Variants in RAG1 observed in about 807,000 individuals in gnomAD.
The protein encoded by RAG1 is V(D)J recombination-activating protein 1.
A neutral mutation model predicts 62.7 loss-of-function variants in RAG1; 35 were observed. The ratio of observed to expected loss-of-function variants is 0.56; its 90% confidence interval spans 0.43 to 0.74. The LOEUF is 0.74. RAG1 is among the 30% of genes least tolerant of loss of function. The pLI, the probability that RAG1 is intolerant of heterozygous loss-of-function variation, is 0.00. For synonymous variants in RAG1, 461 were observed against 470.3 expected (o/e 0.98, Z 0.26); for missense variants, 1,169 against 1,278.6 (o/e 0.91, Z 1.31).
chr11:36,527,049 T>A (rs1860174043), intron 2 of RAG1, among the ~76,000 whole-genome samples: 2 of 152,196 alleles, frequency 1.3e-5, no homozygotes, highest in South Asian at 4.1e-4. Flanking sequence ...TCCACTCCAA[T>A]GATAGTTTCT....
intron 3 of RAG1, among the ~76,000 whole-genome samples, chr11:36,561,011 T>C (rs1850576760): frequency 6.6e-6 from 1 of 152,236 alleles, no homozygotes; most frequent in Non-Finnish European, 1.5e-5. Flanking sequence ...GCAGCCATCT[T>C]GTTGACAACA....
rs192117598 is a variant in RAG1 at position 36,521,675 on chromosome 11, C to T, written n.428+1446C>T. On this transcript the variant is annotated intron_variant and non_coding_transcript_variant, in intron 2 of 2. Coordinates refer to the RAG1 transcript ENST00000529126. Reference sequence around the variant, plus strand: ...ACTAGATAACAGGGAGAGGTTGGAACAGCTTGGAGGGCTCAGAAGAAGACA... The same window carrying T: ...ACTAGATAACAGGGAGAGGTTGGAATAGCTTGGAGGGCTCAGAAGAAGACA... 2.5e-3 allele frequency among the ~76,000 whole-genome samples: 374 copies of T among 152,252 alleles called. 1 individual carries two copies. The highest frequency in any genetic ancestry group is 8.3e-3 in the African/African-American group (346 of 41,550).
chr11:36,527,200 G>A (rs1346773179), intron 2 of RAG1, among the ~76,000 whole-genome samples: 1 of 152,036 alleles, frequency 6.6e-6, no homozygotes, highest in Non-Finnish European at 1.5e-5. Flanking sequence ...TTCCTTCTAG[G>A]GTTTTTAACG....
At chr11:36,524,952 T>C (rs1211436753) in intron 2 of RAG1, among the ~76,000 whole-genome samples, 1 of 152,188 alleles carries the variant, frequency 6.6e-6, no homozygotes, top group East Asian at 1.9e-4. Context: ...GTGATTCATT[T>C]TGAGTTTTTG....
At chr11:36,543,146 A>T (rs1338135730) in intron 3 of RAG1, among the ~76,000 whole-genome samples, 2 of 152,090 alleles carry the variant, frequency 1.3e-5, no homozygotes, top group East Asian at 3.9e-4. Context: ...ACTGGCTAAC[A>T]TCCTCTCAGG....
rs1341918341 is a variant in RAG1 at position 36,573,734 on chromosome 11, A to G, written c.430A>G (p.Lys144Glu). Residue 144 changes from lysine to glutamate, a missense_variant, in exon 2 of 2, where the codon AAG becomes GAG. Around this residue, in one of 2 missense-constraint regions of RAG1, gnomAD observed 369 missense variants for 335.3 expected, o/e 1.10. Coordinates refer to ENST00000299440, the MANE Select transcript of RAG1 (RefSeq NM_000448.3). ...DGKTLGLLRK[K>E]EKRATSWPDL... ...TAAAACCCTAGGCCTTTTACGAAAGAAGGAAAAGAGAGCTACTTCCTGGCC... is the reference window on the plus strand; with the variant it reads ...TAAAACCCTAGGCCTTTTACGAAAGGAGGAAAAGAGAGCTACTTCCTGGCC... 5 of 1,614,046 alleles carry G rather than the reference A, an allele frequency of 3.1e-6. No homozygotes were observed. Among genetic ancestry groups the G allele is most frequent in the Non-Finnish European group, 3.4e-6 (4 of 1,180,026 alleles).
At chr11:36,564,086 A>G (rs1304615558), upstream of RAG1, among the ~76,000 whole-genome samples, 8 of 152,214 alleles carry the variant, frequency 5.3e-5, no homozygotes, top group Non-Finnish European at 1.2e-4. Context: ...TAGAAAGGAT[A>G]TTTAGCAATC....
chr11:36,542,181 T>A (rs116440697), intron 3 of RAG1, among the ~76,000 whole-genome samples: 1 of 152,162 alleles, frequency 6.6e-6, no homozygotes, highest in Non-Finnish European at 1.5e-5. Flanking sequence ...GAGCATTCTC[T>A]CTCCTACATT....
upstream of RAG1, among the ~76,000 whole-genome samples, chr11:36,563,016 G>A (rs922766302): frequency 1.3e-5 from 2 of 152,026 alleles, no homozygotes; most frequent in Non-Finnish European, 2.9e-5. Context: ...CACACTTCTG[G>A]TGTCTCTGTG....
chr11:36,522,982 A>G (rs534563055), intron 2 of RAG1, among the ~76,000 whole-genome samples: 28 of 152,334 alleles, frequency 1.8e-4, no homozygotes, highest in African/African-American at 6.5e-4. Flanking sequence ...GGAAGTAACT[A>G]ACTTGCTTTT....
At chr11:36,558,255 G>A (rs1426928638) in intron 3 of RAG1, among the ~76,000 whole-genome samples, 1 of 152,134 alleles carries the variant, frequency 6.6e-6, no homozygotes, top group Non-Finnish European at 1.5e-5. Flanking sequence ...TGGAGGTATT[G>A]GATAAAACAT....
intron 1 of RAG1, among the ~76,000 whole-genome samples, chr11:36,573,053 C>T (rs1850772574): frequency 6.6e-6 from 1 of 152,082 alleles, no homozygotes; most frequent in Admixed American, 6.5e-5. Flanking sequence ...TAAAACTTTA[C>T]ATGTATATAT....
intron 2 of RAG1, among the ~76,000 whole-genome samples, chr11:36,525,924 C>A (rs963070947): frequency 6.6e-6 from 1 of 152,116 alleles, no homozygotes. Flanking sequence ...GCTAGAACTT[C>A]TAACACTATG....
intron 2 of RAG1, among the ~76,000 whole-genome samples, chr11:36,529,300 C>T (rs529950493): frequency 9.9e-5 from 15 of 152,266 alleles, no homozygotes; most frequent in African/African-American, 3.4e-4. Flanking sequence ...CCACCATGAT[C>T]AAGTCAGCTT....
At position 36,576,400 on chromosome 11, in the gene RAG1, G is replaced by A; in HGVS notation, c.3096G>A (p.Glu1032=). 6.2e-7 allele frequency: 1 copy of A among 1,614,148 alleles called. No individual in the cohort carries two copies. The highest frequency in any genetic ancestry group is 8.5e-7 in the Non-Finnish European group (1 of 1,180,028). The change falls in exon 2 of 2, where the codon GAG becomes GAA. Residue 1032 remains glutamate, a synonymous_variant. Transcript: ENST00000299440. The stretch of plus-strand genomic sequence containing the variant: ...GCTTAGGGGACCCATTAGGCATAGA[G>A]GACTCTCTGGAAAGCCAAGATTCAA... ...QASLGDPLGI[E]DSLESQDSME... is the part of the protein sequence containing the mutation.
chr11:36,567,522 G>A (rs1453479330), upstream of RAG1: 1 of 152,256 alleles, frequency 6.6e-6, no homozygotes, highest in Middle Eastern at 3.4e-3. Flanking sequence ...AGGTTGAAAG[G>A]TTCTGAGATT....
At position 36,576,480 on chromosome 11, in the gene RAG1, C is replaced by T. The variant is rs1029784318; in HGVS notation, c.*44C>T. Reference sequence around the variant, plus strand: ...AGTTGGTTTTTGCAATTGAGTTTCCCTCTGGGTTGCATTGAGGGCTTCTCC... The same window carrying T: ...AGTTGGTTTTTGCAATTGAGTTTCCTTCTGGGTTGCATTGAGGGCTTCTCC... On this transcript the variant is annotated 3_prime_UTR_variant, in exon 2 of 2. Transcript: ENST00000299440. The T allele has an allele frequency of 3.1e-6, 5 of 1,609,078 alleles. No individual in the cohort carries two copies. The highest frequency in any genetic ancestry group is 2.2e-5 in the East Asian group (1 of 44,866).
In RAG1 at chr11:36,575,203, T is replaced by A. The variant is rs746178232; in HGVS notation, c.1899T>A (p.Thr633=). ...TTTCATTCACAATCATGAAAATTACTATTGCCCACAGCTCTCAGAATGTGA... is the reference window on the plus strand; with the variant it reads ...TTTCATTCACAATCATGAAAATTACAATTGCCCACAGCTCTCAGAATGTGA... ...VRFSFTIMKI[T]IAHSSQNVKV... The change falls in exon 2 of 2, where the codon ACT becomes ACA. Residue 633 remains threonine, a synonymous_variant. Coordinates refer to ENST00000299440, the MANE Select transcript of RAG1 (RefSeq NM_000448.3). The surrounding 1 kb of genome is among the most constrained non-coding windows in gnomAD (Gnocchi z 4.1). 5.6e-6 allele frequency: 9 copies of A among 1,614,208 alleles called. No homozygotes were observed. The highest frequency in any genetic ancestry group is 6.8e-6 in the Non-Finnish European group (8 of 1,180,034).
chr11:36,544,336 G>A (rs1225261558), intron 3 of RAG1, among the ~76,000 whole-genome samples: 1 of 152,208 alleles, frequency 6.6e-6, no homozygotes, highest in Non-Finnish European at 1.5e-5. Context: ...AGAGATTGGA[G>A]TGGTGTAGCC....
Sources: gnomAD v4.1 joint callset for allele counts (sites outside exome capture counted in the v4.1 genomes callset) on GRCh38, gnomAD v4.1.1 for gene constraint, gnomAD v4.1.1 regional missense constraint, Gnocchi (gnomAD v3.1) non-coding constraint, MANE v1.5 for transcripts, NCBI Gene and HGNC (gene_info 2026-07-23, HGNC 2026-07-21) for gene names.